PTGES3: variants seen among roughly 807,000 people sequenced by gnomAD.
PTGES3 encodes prostaglandin E synthase 3.
Under a neutral mutation model 29.9 loss-of-function variants are expected in PTGES3, and 5 were observed. The observed-to-expected ratio is 0.17, with a 90% CI of 0.09 to 0.35. The LOEUF is 0.35. PTGES3 is among the 10% of genes least tolerant of loss of function. The pLI, the probability that PTGES3 is intolerant of heterozygous loss-of-function variation, is 1.00. For synonymous variants in PTGES3, 49 were observed against 57.8 expected, an observed-to-expected ratio of 0.85 and a Z score of 0.69; for missense variants, 128 against 190.0, an observed-to-expected ratio of 0.67 and a Z score of 1.92.
At chr12:56,686,564 A>G (rs1337271072) in intron 1 of PTGES3, among the ~76,000 whole-genome samples, 2 of 151,890 alleles carry the variant, frequency 1.3e-5, no homozygotes, top group Non-Finnish European at 2.9e-5. Context: ...TTTTGCAGCG[A>G]CGCGGTTTCT....
Position 56,677,397 on chromosome 12 carries a change from TGAG to T in PTGES3, c.3-4335_3-4333del, listed in dbSNP as rs770950002. Reference sequence around the variant, plus strand: ...CCTGGTATATAGTGCCCTTGGTGTCTGAGGAGTTTTGTTGTGCTCTTAAGCCAA... The same window carrying T: ...CCTGGTATATAGTGCCCTTGGTGTCTGAGTTTTGTTGTGCTCTTAAGCCAA... On this transcript the variant is annotated intron_variant, in intron 1 of 7. Coordinates refer to ENST00000262033, the MANE Select transcript of PTGES3 (RefSeq NM_006601.7). Among the ~76,000 whole-genome samples the T allele has an allele frequency of 2.6e-5, 4 of 152,164 alleles. No homozygotes were observed. In the South Asian group the frequency reaches 8.3e-4, roughly 31 times the overall value.
chr12:56,670,222 T>C (rs983147106), intron 5 of PTGES3, 53 bp downstream of exon 5: 19 of 1,213,840 alleles, frequency 1.6e-5, no homozygotes, highest in South Asian at 4.8e-5. Context: ...ATTGACTACA[T>C]AGACAGGTAC....
chr12:56,682,782 G>C (rs11171933), intron 1 of PTGES3, among the ~76,000 whole-genome samples: 4 of 149,710 alleles, frequency 2.7e-5, no homozygotes, highest in African/African-American at 9.9e-5. Context: ...ACTTTGGAAG[G>C]CCAAGGTGGG....
At position 56,672,754 on chromosome 12, in the gene PTGES3, A is replaced by C; in HGVS notation, c.172T>G (p.Cys58Gly). 6.3e-7 allele frequency: 1 copy of C among 1,589,166 alleles called. No homozygotes were observed. The highest frequency in any genetic ancestry group is 8.6e-7 in the Non-Finnish European group (1 of 1,169,284). Reference protein sequence around the residue: ...KHLNEIDLFHCIDPNDSKHKR... With the variant: ...KHLNEIDLFHGIDPNDSKHKR... ...AGACTACTTACATTTGGATCAATAC[A>C]GTGAAAAAGATCAATTTCATTTAAA... is the stretch of plus-strand genomic sequence containing the variant. Residue 58 changes from cysteine (C) to glycine (G), a missense_variant, in exon 3 of 8, where the codon TGT (cysteine) becomes GGT (glycine). By Grantham distance (159) the Cys-to-Gly change is radical. Coordinates refer to ENST00000262033, the MANE Select transcript of PTGES3 (RefSeq NM_006601.7).
At chr12:56,677,042 C>T (rs1952287196) in intron 1 of PTGES3, among the ~76,000 whole-genome samples, 1 of 151,464 alleles carries the variant, frequency 6.6e-6, no homozygotes, top group Non-Finnish European at 1.5e-5. Flanking sequence ...TCAAGACCAG[C>T]CTGGCCAACC....
chr12:56,679,600 G>C (rs747865964), intron 1 of PTGES3, among the ~76,000 whole-genome samples: 3 of 152,124 alleles, frequency 2.0e-5, no homozygotes, highest in Non-Finnish European at 4.4e-5. Context: ...AGAAAGGCTA[G>C]AGATAAATCC....
intron 1 of PTGES3, chr12:56,687,733 A>C (rs2958153): frequency 7.3e-7 from 1 of 1,362,548 alleles, no homozygotes; most frequent in African/African-American, 1.5e-5. Context: ...GAGGCGAGTA[A>C]CCCAGACAGC....
intron 5 of PTGES3, among the ~76,000 whole-genome samples, chr12:56,667,189 G>C (rs1951823242): frequency 6.6e-6 from 1 of 152,152 alleles, no homozygotes; most frequent in African/African-American, 2.4e-5. Context: ...CAAAGTGCTG[G>C]GATTACAGGA....
chr12:56,685,610 C>G (rs1205377946), intron 1 of PTGES3, among the ~76,000 whole-genome samples: 1 of 151,578 alleles, frequency 6.6e-6, no homozygotes, highest in African/African-American at 2.4e-5. Context: ...CCGTGTTAGC[C>G]AGGATGGTCT....
At chr12:56,667,047 G>A (rs1951818338) in intron 5 of PTGES3, among the ~76,000 whole-genome samples, 6 of 152,174 alleles carry the variant, frequency 3.9e-5, no homozygotes, top group Admixed American at 3.9e-4. Context: ...AGCTTCCTGA[G>A]TAGCTGGGAT....
At chr12:56,671,659 C>G in intron 4 of PTGES3, 90 bp downstream of exon 4, 1 of 743,860 alleles carries the variant, frequency 1.3e-6, no homozygotes, top group Non-Finnish European at 2.0e-6. Flanking sequence ...GAAACAAAAA[C>G]ACAGCCATAT....
At chr12:56,665,546 G>A (rs556786631) in intron 6 of PTGES3, 2 of 984,890 alleles carry the variant, frequency 2.0e-6, no homozygotes, top group South Asian at 4.7e-5. Flanking sequence ...ACCCATCTCC[G>A]CCTCCCAATG....
intron 1 of PTGES3, among the ~76,000 whole-genome samples, chr12:56,680,651 G>A (rs1185285675): frequency 6.6e-6 from 1 of 152,148 alleles, no homozygotes; most frequent in Non-Finnish European, 1.5e-5. Context: ...AAAGTGCTGG[G>A]ATTAACAGGC....
At chr12:56,683,074 C>A (rs1271322545) in intron 1 of PTGES3, among the ~76,000 whole-genome samples, 4 of 151,894 alleles carry the variant, frequency 2.6e-5, no homozygotes, top group African/African-American at 9.7e-5. Flanking sequence ...TTGCCGGCTG[C>A]GGCAGTAGCT....
At chr12:56,669,370 G>A (rs946256694) in intron 5 of PTGES3, among the ~76,000 whole-genome samples, 7 of 151,794 alleles carry the variant, frequency 4.6e-5, no homozygotes, top group East Asian at 1.9e-4. Context: ...TTTTGTTCAC[G>A]CCTTCTGGGT....
At chr12:56,675,811 T>C (rs958852150) in intron 1 of PTGES3, among the ~76,000 whole-genome samples, 12 of 152,074 alleles carry the variant, frequency 7.9e-5, no homozygotes, top group African/African-American at 2.9e-4. Flanking sequence ...TAATCCCAGC[T>C]ACTCAGGATG....
At chr12:56,665,130 G>A in intron 6 of PTGES3, 6 of 985,346 alleles carry the variant, frequency 6.1e-6, no homozygotes, top group East Asian at 1.1e-4. Flanking sequence ...ATAGAAGACA[G>A]TGAACTCTAA....
intron 3 of PTGES3, 59 bp from the exon 4 acceptor site, chr12:56,671,906 A>G: frequency 9.6e-7 from 1 of 1,043,774 alleles, no homozygotes; most frequent in Non-Finnish European, 1.3e-6. Flanking sequence ...ATGATAGAAA[A>G]TAGCTTGTCA....
At position 56,663,718 on chromosome 12, in the gene PTGES3, C is replaced by A. The variant is rs548453094; in HGVS notation, c.*761G>T. On this transcript the variant is annotated 3_prime_UTR_variant, in exon 8 of 8. Coordinates refer to ENST00000262033, the MANE Select transcript of PTGES3 (RefSeq NM_006601.7). ...GAATCAAAAAAAGGAAATAAAAAAT[C>A]CAATAGTGTATTAAACATTTTTCAC... The A allele has an allele frequency of 6.5e-6, 1 of 152,728 alleles. No individual in the cohort carries two copies. The highest frequency in any genetic ancestry group is 2.1e-4 in the South Asian group (1 of 4,826). 9.5% of individuals were successfully genotyped at this position (152,728 alleles called of 1,614,324 possible).
Sources: allele counts gnomAD v4.1 joint callset (sites outside exome capture counted in the v4.1 genomes callset), GRCh38; gene constraint gnomAD v4.1.1; transcripts MANE v1.5; gene names NCBI Gene and HGNC (gene_info 2026-07-23, HGNC 2026-07-21).